The following VPS35L variants were observed in gnomAD, a reference collection of about 807,000 sequenced individuals.
The protein encoded by VPS35L is VPS35 endosomal protein-sorting factor-like.
Under a neutral mutation model 133.0 loss-of-function variants are expected in VPS35L, and 83 were observed. The ratio of observed to expected loss-of-function variants is 0.62; its 90% CI spans 0.52 to 0.75. VPS35L has a LOEUF of 0.75. Ranked by LOEUF, VPS35L falls within the 30% of genes least tolerant of loss-of-function variation. VPS35L has a pLI of 0.00. For missense variants in VPS35L, 1,083 were observed against 1,206.8 expected (o/e 0.90, Z 1.52); for synonymous variants, 423 against 449.9 (o/e 0.94, Z 0.76).
intron 26 of VPS35L, 87 bp downstream of exon 26, chr16:19,652,177 C>T: frequency 1.0e-6 from 1 of 954,728 alleles, no homozygotes; most frequent in Non-Finnish European, 1.6e-6. Flanking sequence ...TAGAGAGAGA[C>T]AAAGATTTCT....
At chr16:19,673,885 C>T (rs947687977) in intron 27 of VPS35L, among the ~76,000 whole-genome samples, 3 of 152,128 alleles carry the variant, frequency 2.0e-5, no homozygotes, top group Admixed American at 6.5e-5. Context: ...GGATTTGAAC[C>T]GAGGGCTACG....
chr16:19,562,049 G>A (rs1971046215), intron 1 of VPS35L, among the ~76,000 whole-genome samples: 1 of 152,094 alleles, frequency 6.6e-6, no homozygotes, highest in Non-Finnish European at 1.5e-5. Flanking sequence ...AGGTTGCAGT[G>A]AGCTGAGATC....
chr16:19,659,277 G>A (rs996112343), intron 26 of VPS35L, among the ~76,000 whole-genome samples: 1 of 152,168 alleles, frequency 6.6e-6, no homozygotes, highest in African/African-American at 2.4e-5. Flanking sequence ...CTCCGAGGTA[G>A]GAGTTAGGTA....
intron 28 of VPS35L, among the ~76,000 whole-genome samples, chr16:19,687,886 G>A (rs1975519112): frequency 6.6e-6 from 1 of 151,940 alleles, no homozygotes; most frequent in Non-Finnish European, 1.5e-5. Flanking sequence ...GCCAAGGCGG[G>A]AGGATCACTT....
chr16:19,580,472 C>A (rs1971674799), intron 6 of VPS35L, among the ~76,000 whole-genome samples: 1 of 151,984 alleles, frequency 6.6e-6, no homozygotes. Context: ...TACATATAAA[C>A]CTTTGGTTCC....
chr16:19,610,000 T>G (rs1303681604), intron 11 of VPS35L, among the ~76,000 whole-genome samples: 4 of 151,966 alleles, frequency 2.6e-5, no homozygotes, highest in Non-Finnish European at 5.9e-5. Context: ...GGGTGCCCAG[T>G]CGATGGAAAA....
chr16:19,642,569 T>C, intron 22 of VPS35L, 93 bp downstream of exon 22: 2 of 1,012,066 alleles, frequency 2.0e-6, no homozygotes, highest in Non-Finnish European at 2.9e-6. Flanking sequence ...GCTGCCACTG[T>C]GAATAATATT....
chr16:19,589,937 G>A (rs1313167172), intron 7 of VPS35L, among the ~76,000 whole-genome samples: 1 of 152,120 alleles, frequency 6.6e-6, no homozygotes, highest in Non-Finnish European at 1.5e-5. Flanking sequence ...CGAGAACTGT[G>A]TATTGTAAAC....
rs537319649 is a variant in VPS35L at position 19,661,692 on chromosome 16, G to A, written c.2222-7468G>A. Reference sequence around the variant, plus strand: ...GAGGACCCTTCCCGCCATCCTCACGGTGCAGTGCAGAACAGCATCCCTGGT... The same window carrying A: ...GAGGACCCTTCCCGCCATCCTCACGATGCAGTGCAGAACAGCATCCCTGGT... On this transcript the variant is annotated intron_variant, in intron 26 of 30. Coordinates refer to ENST00000417362, the MANE Select transcript of VPS35L (RefSeq NM_020314.7). 8.5e-5 allele frequency among the ~76,000 whole-genome samples: 13 copies of A among 152,306 alleles called. No individual in the cohort carries two copies. In the South Asian group the frequency reaches 2.7e-3, roughly 32 times the overall value.
Position 19,608,180 on chromosome 16 carries a change from C to G in VPS35L, c.787C>G (p.His263Asp). ...GGATCTTGTTTTTTGTATTACAGAT[C>G]ACTTTTCTCCAGAGAATGCAAATGA... is the stretch of plus-strand genomic sequence containing the variant. Reference protein sequence around the residue: ...CVDSRSVLPDHFSPENANDTA... With the variant: ...CVDSRSVLPDDFSPENANDTA... Residue 263 changes from histidine (H) to aspartate (D), a missense_variant and splice_region_variant, in exon 10 of 31, where the codon CAC becomes GAC. Physicochemically the swap from His to Asp is moderately conservative, Grantham distance 81. Transcript: ENST00000417362. 1 of 1,611,026 alleles carries G rather than the reference C, an allele frequency of 6.2e-7. No homozygotes were observed. Among genetic ancestry groups the G allele is most frequent in the South Asian group, 1.1e-5 (1 of 91,008 alleles).
chr16:19,610,405 A>C lies in VPS35L; in HGVS notation c.1013A>C (p.Tyr338Ser). 6.2e-7 allele frequency: 1 copy of C among 1,613,748 alleles called. No individual in the cohort carries two copies. The highest frequency in any genetic ancestry group is 8.5e-7 in the Non-Finnish European group (1 of 1,179,856). The change falls in exon 12 of 31, where the codon TAC becomes TCC. Residue 338 changes from tyrosine (Y) to serine (S), a missense_variant. Tyr to Ser is a moderately radical substitution (Grantham distance 144). Coordinates refer to ENST00000417362, the MANE Select transcript of VPS35L (RefSeq NM_020314.7). The part of the protein sequence containing the change: ...DPLVSVYARA[Y>S]LCRVGMEVAP... The stretch of plus-strand genomic sequence containing the variant: ...CTAGTGTCGGTGTATGCCCGTGCCT[A>C]CCTGTGCCGGGTAGGCCATGCGAGT...
chr16:19,683,052 G>A (rs1191605580), intron 28 of VPS35L, among the ~76,000 whole-genome samples: 2 of 152,132 alleles, frequency 1.3e-5, no homozygotes, highest in Non-Finnish European at 2.9e-5. Flanking sequence ...AGCTTCCCAA[G>A]TAGCTGGGAA....
At chr16:19,569,396 G>T (rs373022657) in intron 2 of VPS35L, 28 bp from the exon 3 acceptor site, 1 of 1,593,914 alleles carries the variant, frequency 6.3e-7, no homozygotes, top group South Asian at 1.1e-5. Flanking sequence ...TGGGAGTTCC[G>T]TTTTACCTCC....
At chr16:19,616,910 T>G in intron 14 of VPS35L, 102 bp downstream of exon 14, 1 of 1,514,660 alleles carries the variant, frequency 6.6e-7, no homozygotes, top group Non-Finnish European at 9.1e-7. Flanking sequence ...ATAACAGCTA[T>G]AGCAATGTTA....
intron 28 of VPS35L, 140 bp downstream of exon 28, chr16:19,682,530 T>C (rs1236605763): frequency 1.0e-6 from 1 of 982,306 alleles, no homozygotes; most frequent in Admixed American, 2.7e-5. Flanking sequence ...TCACTGTATT[T>C]ACCTGATCTA....
At chr16:19,691,617 G>A in intron 29 of VPS35L, 146 bp downstream of exon 29, 1 of 613,274 alleles carries the variant, frequency 1.6e-6, no homozygotes, top group Non-Finnish European at 2.9e-6. Context: ...TTGCTTTGGG[G>A]CCTTCGCTCC....
chr16:19,678,219 C>G (rs1167025111), intron 27 of VPS35L, among the ~76,000 whole-genome samples: 1 of 152,156 alleles, frequency 6.6e-6, no homozygotes, highest in Non-Finnish European at 1.5e-5. Flanking sequence ...TTCCTGCAGA[C>G]CAGAAACCCA....
intron 16 of VPS35L, among the ~76,000 whole-genome samples, chr16:19,628,094 G>A (rs922639172): frequency 2.0e-5 from 3 of 152,138 alleles, no homozygotes; most frequent in African/African-American, 7.2e-5. Flanking sequence ...GGCTGGGCAC[G>A]GTGGCTCATG....
In VPS35L at chr16:19,639,994, G is replaced by C. The variant is rs1182571431; in HGVS notation, c.1699-21G>C. 5.0e-6 allele frequency: 8 copies of C among 1,596,038 alleles called. No homozygotes were observed. Among genetic ancestry groups the C allele is most frequent in the Non-Finnish European group, 6.0e-6 (7 of 1,163,930 alleles). ...CAATAACTTGTGTCATTTGCATATA[G>C]AGTGCTTGCTTTATTTATAGGAAAA... On this transcript the variant is annotated intron_variant, in intron 20 of 30. Coordinates refer to ENST00000417362, the MANE Select transcript of VPS35L (RefSeq NM_020314.7). The surrounding 1 kb of genome is among the most constrained non-coding windows in gnomAD (Gnocchi z 4.1).
Sources: allele counts gnomAD v4.1 joint callset (sites outside exome capture counted in the v4.1 genomes callset), GRCh38; gene constraint gnomAD v4.1.1; non-coding constraint Gnocchi (gnomAD v3.1); transcripts MANE v1.5; gene names NCBI Gene and HGNC (gene_info 2026-07-23, HGNC 2026-07-21).